RBM18: variants seen among roughly 807,000 people sequenced by gnomAD.
RBM18 encodes probable RNA-binding protein 18.
Under a neutral mutation model 26.4 loss-of-function variants are expected in RBM18, and 18 were observed. The ratio of observed to expected loss-of-function variants is 0.68; its 90% CI spans 0.47 to 1.01. The LOEUF (loss-of-function observed/expected upper bound fraction) is 1.01. Among genes scored for constraint, RBM18 ranks in the 50% least tolerant of loss-of-function variants. The pLI, the probability that RBM18 is intolerant of heterozygous loss-of-function variation, is 0.00. For missense variants in RBM18, 180 were observed against 219.2 expected, an observed-to-expected ratio of 0.82 and a Z score of 1.13; for synonymous variants, 74 against 81.1, an observed-to-expected ratio of 0.91 and a Z score of 0.47.
intron 2 of RBM18, among the ~76,000 whole-genome samples, chr9:122,257,710 T>A (rs1344228537): frequency 6.6e-6 from 1 of 152,198 alleles, no homozygotes; most frequent in African/African-American, 2.4e-5. Flanking sequence ...TTCATAACAG[T>A]AAGTTTATAA....
intron 1 of RBM18, among the ~76,000 whole-genome samples, chr9:122,261,997 C>T (rs1420187481): frequency 6.6e-6 from 1 of 151,914 alleles, no homozygotes; most frequent in South Asian, 2.1e-4. Context: ...GAAATCTGTG[C>T]GTAGACAGAA....
In RBM18 at chr9:122,241,701, T is replaced by G; in HGVS notation, c.*183A>C. 1 of 533,280 alleles carries G rather than the reference T, an allele frequency of 1.9e-6. No homozygotes were observed. Among genetic ancestry groups the G allele is most frequent in the Non-Finnish European group, 3.3e-6 (1 of 305,586 alleles). 33.0% of individuals were successfully genotyped at this position (533,280 alleles called of 1,614,324 possible). On this transcript the variant is annotated 3_prime_UTR_variant, in exon 6 of 6. Transcript: ENST00000417201. ...CAACGCTATTTATTCTGGATGATGCTCAATTCCATACATAGTTTAGGGAAG... is the reference window on the plus strand; with the variant it reads ...CAACGCTATTTATTCTGGATGATGCGCAATTCCATACATAGTTTAGGGAAG...
At chr9:122,242,573 ATC>A (rs1280120143) in intron 5 of RBM18, among the ~76,000 whole-genome samples, 4 of 152,166 alleles carry the variant, frequency 2.6e-5, no homozygotes, top group African/African-American at 7.2e-5. Flanking sequence ...ATCCTATACA[ATC>A]TCTTTTTACT....
Position 122,255,080 on chromosome 9 carries a change from T to C in RBM18, c.114-3107A>G, listed in dbSNP as rs181435895. ...ATGTCGTAGGCTGAGGGAATTTTAA[T>C]TTCGGGTTGTAGGCAATTGGAAGCC... On this transcript the variant is annotated intron_variant, in intron 2 of 5. Coordinates refer to ENST00000417201, the MANE Select transcript of RBM18 (RefSeq NM_033117.4). 1.6e-4 allele frequency among the ~76,000 whole-genome samples: 24 copies of C among 152,338 alleles called. No homozygotes were observed. The East Asian group carries it at 4.4e-3, about 28-fold the overall frequency.
At chr9:122,262,861 A>G (rs1019918501) in intron 1 of RBM18, among the ~76,000 whole-genome samples, 1 of 152,230 alleles carries the variant, frequency 6.6e-6, no homozygotes, top group Admixed American at 6.5e-5. Context: ...CTGGGATTAC[A>G]GGTGTGAGCC....
intron 2 of RBM18, among the ~76,000 whole-genome samples, chr9:122,260,374 A>T (rs574210709): frequency 7.2e-5 from 11 of 152,216 alleles, no homozygotes; most frequent in African/African-American, 2.4e-4. Context: ...ACAAACAAAC[A>T]AAAAAACTGG....
In RBM18 at chr9:122,241,897, T is replaced by C; in HGVS notation, c.560A>G (p.Lys187Arg). 1 of 1,611,502 alleles carries C rather than the reference T, an allele frequency of 6.2e-7. No individual in the cohort carries two copies. Among genetic ancestry groups the C allele is most frequent in the Non-Finnish European group, 8.5e-7 (1 of 1,179,342 alleles). Residue 187 changes from lysine (K) to arginine (R), a missense_variant, in exon 6 of 6, where the codon AAA (lysine) becomes AGA (arginine). By Grantham distance (26) the Lys-to-Arg change is conservative. This residue lies in a region of RBM18 where 103 missense variants were observed against 102.8 expected (regional missense o/e 1.00). Coordinates refer to ENST00000417201, the MANE Select transcript of RBM18 (RefSeq NM_033117.4). ...AATTCACAACCATCATCTTCGAGAT[T>C]TCCATGCTGTTCTAGAATATGGAGT... Reference protein sequence around the residue: ...RTTPYSRTAWKSRR With the variant: ...RTTPYSRTAWRSRR
intron 3 of RBM18, among the ~76,000 whole-genome samples, chr9:122,247,977 G>A (rs1045943068): frequency 3.3e-5 from 5 of 151,784 alleles, no homozygotes; most frequent in African/African-American, 9.7e-5. Flanking sequence ...TAGTAGAGAC[G>A]GGGTTTCACC....
At position 122,242,018 on chromosome 9, in the gene RBM18, C is replaced by T; in HGVS notation, c.439G>A (p.Glu147Lys). The change falls in exon 6 of 6, where the codon GAA (glutamate) becomes AAA (lysine). Residue 147 changes from glutamate to lysine, a missense_variant. This residue lies in a region of RBM18 where 103 missense variants were observed against 102.8 expected (regional missense o/e 1.00). Coordinates refer to ENST00000417201, the MANE Select transcript of RBM18 (RefSeq NM_033117.4). ...TCCGCCATCATTTTCAGTTTTGCTT[C>T]AATGGCTTTTATCTTTGCAGTGACA... ...LSVTAKIKAI[E>K]AKLKMMAENP... The T allele has an allele frequency of 6.2e-7, 1 of 1,614,030 alleles. No homozygotes were observed.
chr9:122,259,093 A>C (rs1337739020), intron 2 of RBM18, among the ~76,000 whole-genome samples: 3 of 152,152 alleles, frequency 2.0e-5, no homozygotes, highest in African/African-American at 7.2e-5. Flanking sequence ...AAGAGCAGAG[A>C]TATCAGTGGG....
At chr9:122,256,521 A>C (rs1046234116) in intron 2 of RBM18, among the ~76,000 whole-genome samples, 1 of 152,232 alleles carries the variant, frequency 6.6e-6, no homozygotes, top group Non-Finnish European at 1.5e-5. Context: ...GAGGTCATTA[A>C]GTTTTTCAGC....
chr9:122,238,787 T>C lies in RBM18; in HGVS notation c.*3097A>G. On this transcript the variant is annotated 3_prime_UTR_variant, in exon 6 of 6. Transcript: ENST00000417201. Reference sequence around the variant, plus strand: ...TGGCTACTGTGTGGAAAACGGACCCTAAAGAATCAATAGCAGAGGCAGGGA... The same window carrying C: ...TGGCTACTGTGTGGAAAACGGACCCCAAAGAATCAATAGCAGAGGCAGGGA... 1 of 152,254 alleles carries C rather than the reference T, an allele frequency of 6.6e-6. No homozygotes were observed. Among genetic ancestry groups the C allele is most frequent in the East Asian group, 1.9e-4 (1 of 5,184 alleles). The allele number at this position is 152,254 out of a possible 1,614,324, so 9.4% of individuals were successfully genotyped here.
At chr9:122,262,234 T>C (rs1000756767) in intron 1 of RBM18, among the ~76,000 whole-genome samples, 1 of 152,230 alleles carries the variant, frequency 6.6e-6, no homozygotes, top group East Asian at 1.9e-4. Flanking sequence ...AAGAGACTAA[T>C]TTCCTCCTTA....
At chr9:122,263,065 T>C (rs1831843385) in intron 1 of RBM18, among the ~76,000 whole-genome samples, 1 of 152,174 alleles carries the variant, frequency 6.6e-6, no homozygotes, top group Non-Finnish European at 1.5e-5. Context: ...AAGTCCCTGC[T>C]AGAGAACACA....
At position 122,251,906 on chromosome 9, in the gene RBM18, AC is replaced by A; in HGVS notation, c.180del (p.Lys60AsnfsTer49). 6.2e-7 allele frequency: 1 copy of A among 1,614,156 alleles called. No homozygotes were observed. The highest frequency in any genetic ancestry group is 8.5e-7 in the Non-Finnish European group (1 of 1,179,992). ...KVKQFDFLFH[K>X]SGALEGQPRG... The stretch of plus-strand genomic sequence containing the variant: ...CGAGGCTGTCCCTCCAAAGCACCTG[AC>A]TTGTGGAAGAGGAAGTCAAACTGCT... On this transcript the variant is annotated frameshift_variant, in exon 3 of 6. Transcript: ENST00000417201. LOFTEE classifies it high-confidence loss of function.
chr9:122,255,359 G>T (rs1006427557), intron 2 of RBM18, among the ~76,000 whole-genome samples: 1 of 152,134 alleles, frequency 6.6e-6, no homozygotes, highest in Non-Finnish European at 1.5e-5. Context: ...GGTTTCTTCG[G>T]GGGTGAACAC....
intron 3 of RBM18, 88 bp downstream of exon 3, chr9:122,251,759 A>C (rs1428691317): frequency 8.1e-7 from 1 of 1,234,834 alleles, no homozygotes; most frequent in Non-Finnish European, 1.2e-6. Flanking sequence ...GCCTACAGGG[A>C]ACTGCTATTC....
chr9:122,246,869 C>G (rs1382977455), intron 4 of RBM18, among the ~76,000 whole-genome samples: 1 of 152,138 alleles, frequency 6.6e-6, no homozygotes. Context: ...AGTCAACACA[C>G]TTTACCACCT....
chr9:122,248,101 T>A (rs1465717618), intron 3 of RBM18, among the ~76,000 whole-genome samples: 3 of 152,182 alleles, frequency 2.0e-5, no homozygotes, highest in African/African-American at 4.8e-5. Flanking sequence ...GTGAATTTTT[T>A]AAAGTCAGAC....
Sources: allele counts gnomAD v4.1 joint callset (sites outside exome capture counted in the v4.1 genomes callset), GRCh38; gene constraint gnomAD v4.1.1; regional missense constraint gnomAD v4.1.1; transcripts MANE v1.5; gene names NCBI Gene and HGNC (gene_info 2026-07-23, HGNC 2026-07-21).